The following RB1CC1 variants were observed in gnomAD, a reference collection of about 807,000 sequenced individuals.
The protein encoded by RB1CC1 is RB1 inducible coiled-coil 1.
RB1CC1 carries 46 observed loss-of-function variants against 177.5 expected under a neutral mutation model. That is an observed-to-expected ratio of 0.26 (90% CI 0.20 to 0.33). The LOEUF (loss-of-function observed/expected upper bound fraction) is 0.33. Ranked by LOEUF, RB1CC1 falls within the 10% of genes least tolerant of loss-of-function variation. The pLI, the probability that RB1CC1 is intolerant of heterozygous loss-of-function variation, is 1.00. For synonymous variants in RB1CC1, 666 were observed against 613.6 expected (o/e 1.09, Z -1.26); for missense variants, 1,703 against 1,816.3 (o/e 0.94, Z 1.13).
intron 15 of RB1CC1, 45 bp from the exon 16 acceptor site, chr8:52,645,912 C>A: frequency 1.3e-6 from 2 of 1,512,638 alleles, no homozygotes; most frequent in Non-Finnish European, 1.8e-6. Flanking sequence ...AAATTACAGA[C>A]ACACAAATAT....
At chr8:52,710,016 T>G (rs1456710898) in intron 1 of RB1CC1, among the ~76,000 whole-genome samples, 1 of 152,222 alleles carries the variant, frequency 6.6e-6, no homozygotes, top group African/African-American at 2.4e-5. Flanking sequence ...TAATTTTGCC[T>G]GATCTCTAAT....
At chr8:52,682,302 GCCAT>G (rs1396432311) in intron 5 of RB1CC1, among the ~76,000 whole-genome samples, 6 of 152,096 alleles carry the variant, frequency 3.9e-5, no homozygotes. Context: ...TTCGCCTCCT[GCCAT>G]AATTCCGAGG....
intron 18 of RB1CC1, among the ~76,000 whole-genome samples, chr8:52,638,946 A>G (rs1849357528): frequency 6.6e-6 from 1 of 152,138 alleles, no homozygotes; most frequent in South Asian, 2.1e-4. Context: ...CTATACCAAT[A>G]ATGTACTGCA....
chr8:52,657,601 T>C lies in RB1CC1; in HGVS notation c.2228A>G (p.Glu743Gly). 6.2e-7 allele frequency: 1 copy of C among 1,614,136 alleles called. No homozygotes were observed. The highest frequency in any genetic ancestry group is 8.5e-7 in the Non-Finnish European group (1 of 1,180,024). ...TATAGGATTAGGAGACGACAAATTT[T>C]CTTCTATTACAAACTCATTCACAGC... is the stretch of plus-strand genomic sequence containing the variant. Reference protein sequence around the residue: ...MSAVNEFVIEENLSSPNPISD... With the variant: ...MSAVNEFVIEGNLSSPNPISD... The change falls in exon 15 of 24, where the codon GAA (glutamate) becomes GGA (glycine). Residue 743 changes from glutamate to glycine, a missense_variant. Glu to Gly is a moderately conservative substitution (Grantham distance 98). This residue lies in a region of RB1CC1 where 1,169 missense variants were observed against 1,184.7 expected (regional missense o/e 0.99). Coordinates refer to ENST00000025008, the MANE Select transcript of RB1CC1 (RefSeq NM_014781.5).
At chr8:52,684,079 G>A in intron 3 of RB1CC1, 66 bp from the exon 4 acceptor site, 1 of 1,512,492 alleles carries the variant, frequency 6.6e-7, no homozygotes, top group Non-Finnish European at 8.8e-7. Flanking sequence ...TTTCCAAGTA[G>A]TACTATGTAA....
At chr8:52,655,705 AAGAG>A (rs746300508) in intron 15 of RB1CC1, among the ~76,000 whole-genome samples, 1 of 152,118 alleles carries the variant, frequency 6.6e-6, no homozygotes, top group Non-Finnish European at 1.5e-5. Flanking sequence ...CAAATAAATC[AAGAG>A]AGAAACTTAT....
chr8:52,652,805 C>G (rs1198100890), intron 15 of RB1CC1, among the ~76,000 whole-genome samples: 1 of 152,124 alleles, frequency 6.6e-6, no homozygotes, highest in African/African-American at 2.4e-5. Context: ...TGCCTATAAT[C>G]CCAGCACTTT....
chr8:52,659,568 A>G (rs951912153), intron 12 of RB1CC1, among the ~76,000 whole-genome samples: 2 of 152,170 alleles, frequency 1.3e-5, no homozygotes, highest in Non-Finnish European at 2.9e-5. Context: ...GCAGATGTGG[A>G]GATGCCAAGA....
In RB1CC1 at chr8:52,642,301, C is replaced by T. The variant is rs748242117; in HGVS notation, c.4337+50G>A. 2.5e-6 allele frequency: 4 copies of T among 1,575,850 alleles called. No homozygotes were observed. The Admixed American group carries it at 7.2e-5, about 28-fold the overall frequency. ...ATTTCCTCTCTTCAGAGCTTTATAA[C>T]TCATGGAATTGCAACAGCCTTAAAA... On this transcript the variant is annotated intron_variant, in intron 18 of 23. Coordinates refer to ENST00000025008, the MANE Select transcript of RB1CC1 (RefSeq NM_014781.5).
chr8:52,667,956 C>T, intron 8 of RB1CC1, 65 bp downstream of exon 8: 2 of 1,474,748 alleles, frequency 1.4e-6, no homozygotes. Flanking sequence ...ATTGATACTG[C>T]ATATAAAACA....
At chr8:52,666,517 T>C (rs1292893092) in intron 8 of RB1CC1, among the ~76,000 whole-genome samples, 2 of 126,434 alleles carry the variant, frequency 1.6e-5, no homozygotes, top group African/African-American at 5.6e-5. Context: ...AAACTTCCTC[T>C]CAAAAAAAAA....
chr8:52,695,099 A>G (rs1403315572), intron 1 of RB1CC1, among the ~76,000 whole-genome samples: 3 of 152,222 alleles, frequency 2.0e-5, no homozygotes, highest in Admixed American at 6.5e-5. Context: ...TCAGTAATCA[A>G]AGAATTACAA....
chr8:52,658,579 G>GA (rs67680393), intron 13 of RB1CC1, among the ~76,000 whole-genome samples: 25,843 of 98,826 alleles, frequency 0.26, 3,367 homozygotes, highest in Non-Finnish European at 0.33. Context: ...TCCGTCTCAA[G>GA]AAAAAAAAAA....
At chr8:52,623,934 A>ACC (rs1554522355) in intron 23 of RB1CC1, 75 bp from the exon 24 acceptor site, 18 of 961,202 alleles carry the variant, frequency 1.9e-5, no homozygotes, top group Non-Finnish European at 2.8e-5. Context: ...ACACACACAC[A>ACC]CCCAAAAAAC....
intron 1 of RB1CC1, among the ~76,000 whole-genome samples, chr8:52,692,164 T>A (rs1323643995): frequency 6.6e-6 from 1 of 152,186 alleles, no homozygotes; most frequent in Non-Finnish European, 1.5e-5. Context: ...TCAATAAAAA[T>A]ATCACCTGAG....
intron 18 of RB1CC1, 142 bp downstream of exon 18, chr8:52,642,209 G>C: frequency 8.8e-7 from 1 of 1,136,994 alleles, no homozygotes; most frequent in Middle Eastern, 2.1e-4. Context: ...CACACTTACA[G>C]TTTAAAGAAT....
Position 52,642,471 on chromosome 8 carries a change from G to A in RB1CC1, c.4217C>T (p.Ala1406Val), listed in dbSNP as rs761582423. The A allele has an allele frequency of 5.0e-6, 8 of 1,613,974 alleles. No homozygotes were observed. Among genetic ancestry groups the A allele is most frequent in the Non-Finnish European group, 5.9e-6 (7 of 1,179,974 alleles). Reference protein sequence around the residue: ...SFVPSPYVATAPELYGACAPE... With the variant: ...SFVPSPYVATVPELYGACAPE... ...TGCACAAGCTCCATAAAGTTCTGGG[G>A]CTGTAGCTACATATGGTGAAGGAAC... The change falls in exon 18 of 24, where the codon GCC (alanine) becomes GTC (valine). Residue 1406 changes from alanine (A) to valine (V), a missense_variant. This residue lies in a region of RB1CC1 where 1,169 missense variants were observed against 1,184.7 expected (regional missense o/e 0.99). Transcript: ENST00000025008.
At chr8:52,711,282 A>G (rs917340478) in intron 1 of RB1CC1, among the ~76,000 whole-genome samples, 2 of 152,172 alleles carry the variant, frequency 1.3e-5, no homozygotes, top group Non-Finnish European at 2.9e-5. Flanking sequence ...ATAGAAAGAA[A>G]TGCCATCCTC....
Position 52,658,584 on chromosome 8 carries a change from A to AG in RB1CC1, c.1793+288_1793+289insC, listed in dbSNP as rs1405592359. ...AGAGCGAGACTCCGTCTCAAGAAAA[A>AG]AAAAAAAAAAAAAAAAAGTAAAAAG... On this transcript the variant is annotated intron_variant, in intron 13 of 23. Transcript: ENST00000025008. 4.6e-5 allele frequency among the ~76,000 whole-genome samples: 7 copies of AG among 150,776 alleles called. No homozygotes were observed. The East Asian group carries it at 1.4e-3, about 29-fold the overall frequency.
Sources: gnomAD v4.1 joint callset for allele counts (sites outside exome capture counted in the v4.1 genomes callset) on GRCh38, gnomAD v4.1.1 for gene constraint, gnomAD v4.1.1 regional missense constraint, MANE v1.5 for transcripts, NCBI Gene and HGNC (gene_info 2026-07-23, HGNC 2026-07-21) for gene names.